Variants in TYRP1 observed in about 807,000 individuals in gnomAD.
The protein encoded by TYRP1 is tyrosinase related protein 1, also known as 5,6-dihydroxyindole-2-carboxylic acid oxidase.
Under a neutral mutation model 42.8 loss-of-function variants are expected in TYRP1, and 49 were observed. That is an observed-to-expected ratio of 1.14 (90% CI 0.91 to 1.45). The LOEUF is 1.45. Among genes scored for constraint, TYRP1 ranks in the 40% most tolerant of loss-of-function variants. The pLI is 0.00. For synonymous variants in TYRP1, 279 were observed against 235.4 expected (o/e 1.19, Z -1.69); for missense variants, 848 against 662.0 (o/e 1.28, Z -3.08).
chr9:12,709,081 C>G lies in TYRP1; in HGVS notation c.1513C>G (p.Arg505Gly), dbSNP rs41303651. Residue 505 changes from arginine to glycine, a missense_variant, in exon 8 of 8, where the codon CGC becomes GGC. Coordinates refer to ENST00000388918, the MANE Select transcript of TYRP1 (RefSeq NM_000550.3). ...TGCTTCTTATCTGATTCGTGCCAGA[C>G]GCAGTATGGATGAAGCTAACCAGCC... ...GTASYLIRAR[R>G]SMDEANQPLL... 6.2e-7 allele frequency: 1 copy of G among 1,612,712 alleles called. No homozygotes were observed. The highest frequency in any genetic ancestry group is 8.5e-7 in the Non-Finnish European group (1 of 1,179,212).
intron 3 of TYRP1, among the ~76,000 whole-genome samples, chr9:12,696,691 G>C (rs1326331984): frequency 6.6e-6 from 1 of 152,014 alleles, no homozygotes; most frequent in South Asian, 2.1e-4. Flanking sequence ...TAGTTACGTA[G>C]ATTCTTTACT....
intron 5 of TYRP1, among the ~76,000 whole-genome samples, chr9:12,703,740 A>C (rs1818211390): frequency 6.6e-6 from 1 of 151,948 alleles, no homozygotes; most frequent in African/African-American, 2.4e-5. Flanking sequence ...ATTTCATTTT[A>C]TAATGCACAA....
chr9:12,694,728 G>A (rs566471828), intron 2 of TYRP1, among the ~76,000 whole-genome samples: 2 of 152,254 alleles, frequency 1.3e-5, no homozygotes, highest in East Asian at 1.9e-4. Context: ...ATCCACACAG[G>A]TGATATTTAG....
chr9:12,704,555 C>G lies in TYRP1; in HGVS notation c.1111C>G (p.Pro371Ala), dbSNP rs1341272640. The G allele has an allele frequency of 1.2e-6, 2 of 1,612,756 alleles. No individual in the cohort carries two copies. The highest frequency in any genetic ancestry group is 1.7e-6 in the Non-Finnish European group (2 of 1,179,424). ...GYSDPTGKYD[P>A]AVRSLHNLAH... ...CAGTGACCCCACGGGAAAGTATGAC[C>G]CTGCTGTTCGAAGTCTTCACAATTT... The change falls in exon 6 of 8, where the codon CCT (proline) becomes GCT (alanine). Residue 371 changes from proline to alanine, a missense_variant. Coordinates refer to ENST00000388918, the MANE Select transcript of TYRP1 (RefSeq NM_000550.3).
chr9:12,695,205 C>T (rs1461561411), intron 2 of TYRP1, among the ~76,000 whole-genome samples: 1 of 151,758 alleles, frequency 6.6e-6, no homozygotes, highest in East Asian at 1.9e-4. Flanking sequence ...CAGAAAATTC[C>T]AACAAAAATG....
rs41298186 is a variant in TYRP1 at position 12,706,253 on chromosome 9, C to T, written c.1261+1548C>T. On this transcript the variant is annotated intron_variant, in intron 6 of 7. Transcript: ENST00000388918. Reference sequence around the variant, plus strand: ...GTATTTATTCAGTTATTCACAATGCCGTGGGTGTTAGTAAACTTTTTAGAG... The same window carrying T: ...GTATTTATTCAGTTATTCACAATGCTGTGGGTGTTAGTAAACTTTTTAGAG... Among the ~76,000 whole-genome samples, 32 of 152,018 alleles carry T rather than the reference C, an allele frequency of 2.1e-4. No homozygotes were observed. The East Asian group carries it at 4.9e-3, about 23-fold the overall frequency.
Position 12,698,639 on chromosome 9 carries a change from G to C in TYRP1, c.897G>C (p.Leu299=), listed in dbSNP as rs1208575684. The C allele has an allele frequency of 1.9e-6, 3 of 1,613,536 alleles. No homozygotes were observed. The South Asian group carries it at 3.3e-5, about 18-fold the overall frequency. ...ACTCCTTGGAAGATTATGATACCCT[G>C]GGAACACTTTGTAACAGTAAGTTCC... The part of the protein sequence containing the change: ...VCDSLEDYDT[L]GTLCNSTEDG... The change falls in exon 4 of 8, where the codon CTG becomes CTC. Residue 299 remains leucine (L), a synonymous_variant. Coordinates refer to ENST00000388918, the MANE Select transcript of TYRP1 (RefSeq NM_000550.3).
Position 12,693,905 on chromosome 9 carries a change from T to G in TYRP1, c.-85-7T>G. ...TGCATAATCTCATTTTACTTTCTCT[T>G]TTTCAGCTGGATTTTCCTCTACGTG... On this transcript the variant is annotated splice_region_variant and splice_polypyrimidine_tract_variant and intron_variant, in intron 1 of 7. Coordinates refer to ENST00000388918, the MANE Select transcript of TYRP1 (RefSeq NM_000550.3). The G allele has an allele frequency of 6.4e-7, 1 of 1,564,696 alleles. No homozygotes were observed. The highest frequency in any genetic ancestry group is 2.3e-5 in the East Asian group (1 of 44,442).
At chr9:12,708,753 A>G (rs887123084) in intron 7 of TYRP1, among the ~76,000 whole-genome samples, 6 of 152,042 alleles carry the variant, frequency 3.9e-5, no homozygotes, top group African/African-American at 1.4e-4. Flanking sequence ...TCATTGAGTC[A>G]TCATTCTCTC....
Position 12,694,066 on chromosome 9 carries a change from G to C in TYRP1, c.70G>C (p.Ala24Pro). The change falls in exon 2 of 8, where the codon GCT (alanine) becomes CCT (proline). Residue 24 changes from alanine to proline, a missense_variant. Coordinates refer to ENST00000388918, the MANE Select transcript of TYRP1 (RefSeq NM_000550.3). ...CTTGCTACTTTTTCAGCAGGCCCGG[G>C]CTCAATTCCCAAGACAGTGTGCCAC... The part of the protein sequence containing the change: ...FPLLLFQQAR[A>P]QFPRQCATVE... The C allele has an allele frequency of 1.2e-6, 2 of 1,613,998 alleles. No individual in the cohort carries two copies. Among genetic ancestry groups the C allele is most frequent in the Non-Finnish European group, 1.7e-6 (2 of 1,180,006 alleles).
chr9:12,694,781 T>A (rs1451559156), intron 2 of TYRP1, among the ~76,000 whole-genome samples: 1 of 152,186 alleles, frequency 6.6e-6, no homozygotes, highest in East Asian at 1.9e-4. Flanking sequence ...CCCTTATATT[T>A]TAGTTCTGCA....
chr9:12,708,511 T>A (rs1382769595), intron 7 of TYRP1, among the ~76,000 whole-genome samples: 3 of 151,954 alleles, frequency 2.0e-5, no homozygotes, highest in Admixed American at 6.6e-5. Flanking sequence ...TGCCCCAATT[T>A]TTCTACTATA....
Position 12,695,596 on chromosome 9 carries a change from A to T in TYRP1, c.467A>T (p.His156Leu). The T allele has an allele frequency of 1.2e-6, 2 of 1,614,094 alleles. No homozygotes were observed. Among genetic ancestry groups the T allele is most frequent in the Non-Finnish European group, 1.7e-6 (2 of 1,179,998 alleles). Residue 156 changes from histidine to leucine, a missense_variant, in exon 3 of 8, where the codon CAC becomes CTC. Transcript: ENST00000388918. ...RALDMAKRTTHPLFVIATRRS... is the reference protein window; with the variant it reads ...RALDMAKRTTLPLFVIATRRS... ...CTGGATATGGCAAAGCGCACAACTC[A>T]CCCTTTATTTGTCATTGCCACCAGG...
intron 5 of TYRP1, among the ~76,000 whole-genome samples, chr9:12,703,190 G>A (rs1305898975): frequency 6.6e-6 from 1 of 151,356 alleles, no homozygotes; most frequent in Admixed American, 6.6e-5. Context: ...TTATAAACTT[G>A]TTATTGTTAA....
chr9:12,704,909 G>T (rs1349448544), intron 6 of TYRP1, among the ~76,000 whole-genome samples: 1 of 151,984 alleles, frequency 6.6e-6, no homozygotes, highest in East Asian at 1.9e-4. Context: ...ATTATAGGAT[G>T]ATATTTTTAA....
In TYRP1 at chr9:12,709,039, G is replaced by A; in HGVS notation, c.1471G>A (p.Ala491Thr). 3 of 1,612,764 alleles carry A rather than the reference G, an allele frequency of 1.9e-6. No individual in the cohort carries two copies. The highest frequency in any genetic ancestry group is 2.5e-6 in the Non-Finnish European group (3 of 1,179,266). The change falls in exon 8 of 8, where the codon GCA (alanine) becomes ACA (threonine). Residue 491 changes from alanine (A) to threonine (T), a missense_variant. Physicochemically the swap from Ala to Thr is moderately conservative, Grantham distance 58. Transcript: ENST00000388918. ...AGTAGTTGGCGCTTTGTTACTGGTTGCACTCATTTTTGGGACTGCTTCTTA... is the reference window on the plus strand; with the variant it reads ...AGTAGTTGGCGCTTTGTTACTGGTTACACTCATTTTTGGGACTGCTTCTTA... Reference protein sequence around the residue: ...IAVVGALLLVALIFGTASYLI... With the variant: ...IAVVGALLLVTLIFGTASYLI...
chr9:12,704,557 T>C lies in TYRP1; in HGVS notation c.1113T>C (p.Pro371=), dbSNP rs1378465758. The C allele has an allele frequency of 1.2e-6, 2 of 1,612,776 alleles. No individual in the cohort carries two copies. The highest frequency in any genetic ancestry group is 2.7e-5 in the African/African-American group (2 of 74,834). Residue 371 remains proline, a synonymous_variant, in exon 6 of 8, where the codon CCT becomes CCC. Coordinates refer to ENST00000388918, the MANE Select transcript of TYRP1 (RefSeq NM_000550.3). ...GTGACCCCACGGGAAAGTATGACCCTGCTGTTCGAAGTCTTCACAATTTGG... is the reference window on the plus strand; with the variant it reads ...GTGACCCCACGGGAAAGTATGACCCCGCTGTTCGAAGTCTTCACAATTTGG... ...GYSDPTGKYD[P]AVRSLHNLAH...
rs1185312067 is a variant in TYRP1 at position 12,702,342 on chromosome 9, G to A, written c.985G>A (p.Glu329Lys). 1.2e-6 allele frequency: 2 copies of A among 1,613,028 alleles called. No individual in the cohort carries two copies. The highest frequency in any genetic ancestry group is 2.2e-5 in the East Asian group (1 of 44,828). Residue 329 changes from glutamate (E) to lysine (K), a missense_variant, in exon 5 of 8, where the codon GAA becomes AAA. Transcript: ENST00000388918. ...CAGACCAATGGTGCAACGTCTTCCT[G>A]AACCACAGGATGTCGCTCAGTGCTT... Reference protein sequence around the residue: ...VARPMVQRLPEPQDVAQCLEV... With the variant: ...VARPMVQRLPKPQDVAQCLEV...
rs1315031819 is a variant in TYRP1 at position 12,709,242 on chromosome 9, T to C, written c.*60T>C. The C allele has an allele frequency of 3.4e-6, 5 of 1,471,524 alleles. No homozygotes were observed. Among genetic ancestry groups the C allele is most frequent in the African/African-American group, 1.4e-5 (1 of 71,844 alleles). The allele number at this position is 1,471,524 out of a possible 1,614,324, so 91.2% of individuals were successfully genotyped here. A position where few individuals can be genotyped will look rare whatever the true frequency, so the allele number is the denominator to read the frequency against. On this transcript the variant is annotated 3_prime_UTR_variant, in exon 8 of 8. Transcript: ENST00000388918. ...AAACCACCTGGTTGAATATAATAGATTGAGTTATTAACTGTATTTTCTTTC... is the reference window on the plus strand; with the variant it reads ...AAACCACCTGGTTGAATATAATAGACTGAGTTATTAACTGTATTTTCTTTC...
Sources: allele counts gnomAD v4.1 joint callset (sites outside exome capture counted in the v4.1 genomes callset), GRCh38; gene constraint gnomAD v4.1.1; transcripts MANE v1.5; gene names NCBI Gene and HGNC (gene_info 2026-07-23, HGNC 2026-07-21).